PCDH15: variants seen among roughly 807,000 people sequenced by gnomAD.
PCDH15 encodes protocadherin related 15, also known as protocadherin-15.
A neutral mutation model predicts 178.5 loss-of-function variants in PCDH15; 129 were observed. That is an observed-to-expected ratio of 0.72 (90% CI 0.63 to 0.84). The LOEUF is 0.84. Ranked by LOEUF, PCDH15 falls within the 40% of genes least tolerant of loss-of-function variation. The pLI is 0.00. For missense variants in PCDH15, 2,230 were observed against 2,099.9 expected (o/e 1.06, Z -1.21); for synonymous variants, 800 against 732.0 (o/e 1.09, Z -1.50).
chr10:55,615,875 G>A (rs920020566), intron 2 of PCDH15, among the ~76,000 whole-genome samples: 23 of 152,080 alleles, frequency 1.5e-4, no homozygotes, highest in South Asian at 2.1e-4. Flanking sequence ...CAGCCTGGGC[G>A]ACAGAGCAAG....
Position 55,548,210 on chromosome 10 carries a change from GCACACACACACACACACACA to G in PCDH15, c.-156+79395_-156+79414del, listed in dbSNP as rs200097115. Reference sequence around the variant, plus strand: ...GCCAAACCCTCTCTAAATGCCTAATGCACACACACACACACACACACACACACACACACACACACACACAA... The same window carrying G: ...GCCAAACCCTCTCTAAATGCCTAATGCACACACACACACACACACACACAA... On this transcript the variant is annotated intron_variant, in intron 2 of 5. Transcript: ENST00000613346. Among the ~76,000 whole-genome samples the G allele has an allele frequency of 1.2e-4, 14 of 121,290 alleles. No individual in the cohort carries two copies. The South Asian group carries it at 3.2e-3, about 28-fold the overall frequency. The allele number at this position is 121,290 out of a possible 152,430, so 79.6% of individuals were successfully genotyped here.
intron 2 of PCDH15, among the ~76,000 whole-genome samples, chr10:54,629,157 G>A (rs1482226264): frequency 6.6e-6 from 1 of 151,982 alleles, no homozygotes; most frequent in Non-Finnish European, 1.5e-5. Context: ...AAAAATTTGA[G>A]TGCAAAACTA....
chr10:54,063,672 C>T (rs1025245796), intron 18 of PCDH15, among the ~76,000 whole-genome samples: 2 of 152,174 alleles, frequency 1.3e-5, no homozygotes, highest in Non-Finnish European at 2.9e-5. Flanking sequence ...CTGTGCTTGG[C>T]TCATGCTACT....
intron 2 of PCDH15, among the ~76,000 whole-genome samples, chr10:54,593,370 T>A (rs2092003247): frequency 6.6e-6 from 1 of 152,140 alleles, no homozygotes; most frequent in Non-Finnish European, 1.5e-5. Flanking sequence ...GGTAAGAGCT[T>A]ATCTTCATTT....
intron 11 of PCDH15, among the ~76,000 whole-genome samples, chr10:54,193,167 T>C (rs1172407751): frequency 3.3e-5 from 5 of 152,188 alleles, no homozygotes; most frequent in Non-Finnish European, 7.3e-5. Flanking sequence ...CTCCACTTTA[T>C]TTCATCAATG....
At position 55,023,731 on chromosome 10, in the gene PCDH15, C is replaced by A. The variant is rs945002837; in HGVS notation, c.-79-126231G>T. On this transcript the variant is annotated intron_variant, in intron 2 of 5. Transcript: ENST00000458638. Reference sequence around the variant, plus strand: ...GCTTCTCTGATTATTTGCATCCACACACAGTGTCTCAAATATCCTATATTT... The same window carrying A: ...GCTTCTCTGATTATTTGCATCCACAAACAGTGTCTCAAATATCCTATATTT... 2.7e-5 allele frequency among the ~76,000 whole-genome samples: 4 copies of A among 149,268 alleles called. 1 individual carries two copies. The highest frequency in any genetic ancestry group is 6.7e-5 in the Admixed American group (1 of 14,838).
intron 2 of PCDH15, among the ~76,000 whole-genome samples, chr10:55,136,818 C>G (rs981709914): frequency 2.0e-5 from 3 of 152,068 alleles, no homozygotes; most frequent in African/African-American, 7.2e-5. Flanking sequence ...TTACAGAAAG[C>G]CTTAGATAAG....
chr10:54,593,979 TGAGAGCAGATA>T (rs1440409673), intron 2 of PCDH15, among the ~76,000 whole-genome samples: 1 of 151,180 alleles, frequency 6.6e-6, no homozygotes, highest in Admixed American at 6.6e-5. Context: ...GGGAAGGCAT[TGAGAGCAGATA>T]GAGAGAAGAT....
At chr10:55,330,215 A>G (rs1248254756) in intron 2 of PCDH15, among the ~76,000 whole-genome samples, 3 of 151,818 alleles carry the variant, frequency 2.0e-5, no homozygotes, top group East Asian at 1.9e-4. Flanking sequence ...GCTTTTATAC[A>G]TGATGTTTGC....
intron 2 of PCDH15, among the ~76,000 whole-genome samples, chr10:55,590,421 C>T (rs1842822279): frequency 6.6e-6 from 1 of 151,536 alleles, no homozygotes; most frequent in African/African-American, 2.4e-5. Flanking sequence ...ATGTAACTAA[C>T]CTGCATGTTG....
At chr10:54,384,638 G>T (rs186157293) in intron 3 of PCDH15, among the ~76,000 whole-genome samples, 1 of 152,042 alleles carries the variant, frequency 6.6e-6, no homozygotes, top group African/African-American at 2.4e-5. Flanking sequence ...AATTATTAAA[G>T]ATTGCATATA....
chr10:54,446,900 A>C lies in PCDH15; in HGVS notation c.158-67958T>G, dbSNP rs541477344. 2.6e-5 allele frequency among the ~76,000 whole-genome samples: 4 copies of C among 151,718 alleles called. No individual in the cohort carries two copies. In the South Asian group the frequency reaches 8.3e-4, roughly 31 times the overall value. On this transcript the variant is annotated intron_variant, in intron 3 of 37. Coordinates refer to ENST00000644397, the MANE Select transcript of PCDH15 (RefSeq NM_001384140.1). ...TAACAAAAAACATTCGCAGAAGGAA[A>C]GAATGCCTATAAGATTGTTGCAACT...
intron 14 of PCDH15, among the ~76,000 whole-genome samples, chr10:54,147,171 A>G (rs1425000344): frequency 2.6e-5 from 4 of 151,440 alleles, no homozygotes; most frequent in African/African-American, 9.7e-5. Flanking sequence ...AATAGCAAAT[A>G]TGATTATCCT....
At chr10:55,490,499 C>T (rs899842371) in intron 2 of PCDH15, among the ~76,000 whole-genome samples, 3 of 151,778 alleles carry the variant, frequency 2.0e-5, no homozygotes, top group African/African-American at 7.2e-5. Context: ...TATCCACTAG[C>T]CAGTAAAGTG....
chr10:55,049,984 T>G (rs550326910), intron 2 of PCDH15, among the ~76,000 whole-genome samples: 1 of 152,124 alleles, frequency 6.6e-6, no homozygotes, highest in South Asian at 2.1e-4. Context: ...TGAATGTATA[T>G]TTTGCAATTG....
rs116232468 is a variant in PCDH15, at chr10:54,163,694, A to C, written c.1591-10401T>G. 3.6e-3 allele frequency among the ~76,000 whole-genome samples: 554 copies of C among 152,244 alleles called. 5 individuals carry two copies. Among genetic ancestry groups the C allele is most frequent in the Middle Eastern group, 0.02 (6 of 294 alleles). ...GTTCAATAAATTAGTTTACTGAATC[A>C]AGTAGAGATGGCTTTTAGGCAAACA... On this transcript the variant is annotated intron_variant, in intron 13 of 37. Transcript: ENST00000644397.
At position 53,962,235 on chromosome 10, in the gene PCDH15, G is replaced by A. The variant is rs60746660; in HGVS notation, c.2869-343C>T. ...TCTCCTTTTTTAAATTCAGAGACAG[G>A]GTCTTCCTTTGTTGCCCAGGCTGGA... On this transcript the variant is annotated intron_variant, in intron 21 of 37. Coordinates refer to ENST00000644397, the MANE Select transcript of PCDH15 (RefSeq NM_001384140.1). Among the ~76,000 whole-genome samples, 772 of 152,028 alleles carry A rather than the reference G, an allele frequency of 5.1e-3. 7 individuals are homozygous for A. The highest frequency in any genetic ancestry group is 0.017 in the African/African-American group (721 of 41,476).
At chr10:54,654,145 C>A (rs1351672529) in intron 2 of PCDH15, among the ~76,000 whole-genome samples, 1 of 152,178 alleles carries the variant, frequency 6.6e-6, no homozygotes. Context: ...CATTTCATTG[C>A]TCACTCCACC....
At chr10:54,369,411 T>G in intron 4 of PCDH15, 136 bp from the exon 5 acceptor site, 1 of 839,520 alleles carries the variant, frequency 1.2e-6, no homozygotes, top group South Asian at 1.6e-5. Flanking sequence ...AAGAAAATGA[T>G]CATTTTAAGG....
Sources: gnomAD v4.1 joint callset for allele counts (sites outside exome capture counted in the v4.1 genomes callset) on GRCh38, gnomAD v4.1.1 for gene constraint, MANE v1.5 for transcripts, NCBI Gene and HGNC (gene_info 2026-07-23, HGNC 2026-07-21) for gene names.